The following GPC5 variants were observed in gnomAD, a reference collection of about 807,000 sequenced individuals.
GPC5 encodes glypican-5.
A neutral mutation model predicts 53.9 loss-of-function variants in GPC5; 47 were observed. The ratio of observed to expected loss-of-function variants is 0.87; its 90% CI spans 0.69 to 1.11. The LOEUF is 1.11. GPC5 is among the 50% of genes most tolerant of loss of function. The pLI is 0.00. For synonymous variants in GPC5, 286 were observed against 263.3 expected, an observed-to-expected ratio of 1.09 and a Z score of -0.84; for missense variants, 748 against 713.1, an observed-to-expected ratio of 1.05 and a Z score of -0.56.
chr13:92,212,845 T>A (rs951774047), intron 7 of GPC5, among the ~76,000 whole-genome samples: 3 of 152,202 alleles, frequency 2.0e-5, no homozygotes, highest in African/African-American at 7.2e-5. Flanking sequence ...CTGTTGCCAA[T>A]GTCTATTCCA....
At chr13:91,814,947 C>T (rs1180127309) in intron 5 of GPC5, among the ~76,000 whole-genome samples, 1 of 152,192 alleles carries the variant, frequency 6.6e-6, no homozygotes, top group South Asian at 2.1e-4. Flanking sequence ...ATAGACATAA[C>T]TTGCATTCCA....
chr13:92,743,621 T>C (rs1337720913), intron 7 of GPC5, among the ~76,000 whole-genome samples: 1 of 152,130 alleles, frequency 6.6e-6, no homozygotes, highest in Non-Finnish European at 1.5e-5. Flanking sequence ...TCCAACACTA[T>C]GTTGAATAGG....
chr13:91,666,350 G>A (rs1357635299), intron 2 of GPC5, among the ~76,000 whole-genome samples: 2 of 152,158 alleles, frequency 1.3e-5, no homozygotes, highest in African/African-American at 4.8e-5. Context: ...ATCTTTAAAT[G>A]TGGATATTTC....
chr13:91,405,294 C>T (rs984361618), intron 1 of GPC5, among the ~76,000 whole-genome samples: 3 of 152,144 alleles, frequency 2.0e-5, no homozygotes, highest in Non-Finnish European at 4.4e-5. Flanking sequence ...AAGCATCTCT[C>T]ACCTCCATCC....
At chr13:91,461,547 A>G (rs780059379) in intron 2 of GPC5, among the ~76,000 whole-genome samples, 14 of 152,054 alleles carry the variant, frequency 9.2e-5, no homozygotes, top group Admixed American at 3.9e-4. Flanking sequence ...CGATAATAGT[A>G]CCTTCTTCTA....
chr13:91,505,804 C>G (rs1158886684), intron 2 of GPC5, among the ~76,000 whole-genome samples: 2 of 152,130 alleles, frequency 1.3e-5, no homozygotes, highest in Admixed American at 6.5e-5. Context: ...TAACTGGAAA[C>G]CTTTTCCTCT....
chr13:91,885,016 C>T (rs1277262561), intron 5 of GPC5, among the ~76,000 whole-genome samples: 2 of 152,000 alleles, frequency 1.3e-5, no homozygotes, highest in Admixed American at 6.6e-5. Flanking sequence ...TATACTTTAA[C>T]AATACTATTG....
chr13:91,686,967 G>A (rs1275345251), intron 2 of GPC5, among the ~76,000 whole-genome samples: 7 of 151,864 alleles, frequency 4.6e-5, no homozygotes, highest in East Asian at 1.9e-4. Context: ...TGGTTGATAT[G>A]ATTTAATCTT....
chr13:92,774,351 C>T (rs1875720315), intron 7 of GPC5, among the ~76,000 whole-genome samples: 1 of 152,156 alleles, frequency 6.6e-6, no homozygotes, highest in Admixed American at 6.5e-5. Flanking sequence ...GTGGTCTGTA[C>T]ATTTGTCAAG....
At position 92,826,345 on chromosome 13, in the gene GPC5, G is replaced by A. The variant is rs1010216362; in HGVS notation, c.1562-39937G>A. 1.1e-4 allele frequency among the ~76,000 whole-genome samples: 16 copies of A among 152,242 alleles called. 1 individual carries two copies. In the East Asian group the frequency reaches 2.1e-3, roughly 20 times the overall value. On this transcript the variant is annotated intron_variant, in intron 7 of 7. Transcript: ENST00000377067. ...GGCCTTGAAAAACCCAAGTTGCCAT[G>A]AGTTCGGCAGCTGTGAGCAAACAAA...
intron 7 of GPC5, among the ~76,000 whole-genome samples, chr13:92,278,104 T>C (rs951586651): frequency 1.5e-4 from 23 of 151,878 alleles, no homozygotes; most frequent in African/African-American, 5.6e-4. Flanking sequence ...ATATTAGTTT[T>C]AATTTTTAAA....
intron 6 of GPC5, among the ~76,000 whole-genome samples, chr13:91,972,835 C>T (rs2040257282): frequency 6.6e-6 from 1 of 152,198 alleles, no homozygotes; most frequent in Non-Finnish European, 1.5e-5. Context: ...CTGAGAGATC[C>T]ACTGTTAGTC....
At chr13:92,264,733 T>C (rs1227025990) in intron 7 of GPC5, among the ~76,000 whole-genome samples, 6 of 152,056 alleles carry the variant, frequency 3.9e-5, no homozygotes, top group Admixed American at 3.9e-4. Context: ...TAATATGGAT[T>C]TTTCCCATCT....
At position 91,697,268 on chromosome 13, in the gene GPC5, A is replaced by G. The variant is rs7337562; in HGVS notation, c.1020+3387A>G. On this transcript the variant is annotated intron_variant, in intron 3 of 7. Transcript: ENST00000377067. ...AACGATTCTCCTGCCTCAGCCTCCCAAGTAGCTGGGACTACAGGTGCCTGC... is the reference window on the plus strand; with the variant it reads ...AACGATTCTCCTGCCTCAGCCTCCCGAGTAGCTGGGACTACAGGTGCCTGC... Among the ~76,000 whole-genome samples the G allele has an allele frequency of 5.4e-3, 825 of 152,116 alleles. 10 individuals are homozygous for G. Among genetic ancestry groups the G allele is most frequent in the South Asian group, 0.036 (172 of 4,810 alleles).
At chr13:92,113,730 A>AT (rs1348641940) in intron 6 of GPC5, among the ~76,000 whole-genome samples, 2,207 of 149,334 alleles carry the variant, frequency 0.015, 52 homozygotes, top group African/African-American at 0.05. Context: ...TGGGCATGTC[A>AT]TTTTTTTTTT....
intron 7 of GPC5, among the ~76,000 whole-genome samples, chr13:92,420,596 G>C (rs1018806298): frequency 2.0e-5 from 3 of 151,674 alleles, no homozygotes; most frequent in African/African-American, 4.8e-5. Context: ...CTTTCAAACT[G>C]TATTTTTTGT....
rs544263712 is a variant in GPC5, at chr13:91,428,347, G to A, written c.164-20414G>A. On this transcript the variant is annotated intron_variant, in intron 1 of 7. Coordinates refer to ENST00000377067, the MANE Select transcript of GPC5 (RefSeq NM_004466.6). ...GTTGCTGGCTGCAAGGTTGAGTCTGGGGTATTTATGGTTTTAGAATAGGGA... is the reference window on the plus strand; with the variant it reads ...GTTGCTGGCTGCAAGGTTGAGTCTGAGGTATTTATGGTTTTAGAATAGGGA... Among the ~76,000 whole-genome samples, 405 of 152,254 alleles carry A rather than the reference G, an allele frequency of 2.7e-3. 4 individuals carry two copies. Among genetic ancestry groups the A allele is most frequent in the African/African-American group, 9.1e-3 (380 of 41,558 alleles).
intron 7 of GPC5, among the ~76,000 whole-genome samples, chr13:92,809,571 A>AGG (rs1446384435): frequency 6.6e-6 from 1 of 152,216 alleles, no homozygotes; most frequent in Non-Finnish European, 1.5e-5. Context: ...GCATGTGCAG[A>AGG]GGCCATGTTC....
At chr13:92,297,704 C>G (rs930569651) in intron 7 of GPC5, among the ~76,000 whole-genome samples, 2 of 152,066 alleles carry the variant, frequency 1.3e-5, no homozygotes, top group South Asian at 2.1e-4. Context: ...ACAGGCCTCT[C>G]GGCTCTACCA....
Sources: gnomAD v4.1 joint callset for allele counts (sites outside exome capture counted in the v4.1 genomes callset) on GRCh38, gnomAD v4.1.1 for gene constraint, MANE v1.5 for transcripts, NCBI Gene and HGNC (gene_info 2026-07-23, HGNC 2026-07-21) for gene names.